Variants in MAP2K6 observed in about 807,000 individuals in gnomAD.
MAP2K6 encodes mitogen-activated protein kinase kinase 6, also known as dual specificity mitogen-activated protein kinase kinase 6.
MAP2K6 carries 16 observed loss-of-function variants against 53.7 expected under a neutral mutation model. The ratio of observed to expected loss-of-function variants is 0.30; its 90% confidence interval spans 0.20 to 0.45. The LOEUF is 0.45. Ranked by LOEUF, MAP2K6 falls within the 20% of genes least tolerant of loss-of-function variation. The pLI is 1.00. For missense variants in MAP2K6, 204 were observed against 411.9 expected, an observed-to-expected ratio of 0.50 and a Z score of 4.37; for synonymous variants, 132 against 143.1, an observed-to-expected ratio of 0.92 and a Z score of 0.55.
At chr17:69,453,111 A>G (rs1046666063) in intron 1 of MAP2K6, among the ~76,000 whole-genome samples, 1 of 152,216 alleles carries the variant, frequency 6.6e-6, no homozygotes, top group South Asian at 2.1e-4. Flanking sequence ...GCAGAGCAGG[A>G]GTTTGGCAGG....
At chr17:69,518,728 G>A (rs147284752) in intron 4 of MAP2K6, among the ~76,000 whole-genome samples, 1 of 152,338 alleles carries the variant, frequency 6.6e-6, no homozygotes, top group Non-Finnish European at 1.5e-5. Flanking sequence ...TGAAGTCCCA[G>A]TGATATTGTA....
intron 1 of MAP2K6, chr17:69,502,749 G>T (rs1909235524): frequency 3.1e-6 from 3 of 963,198 alleles, no homozygotes; most frequent in African/African-American, 1.8e-5. Flanking sequence ...TCTGGGGAGA[G>T]AATCAAAGGC....
At chr17:69,535,887 C>G (rs979217437) in intron 10 of MAP2K6, among the ~76,000 whole-genome samples, 2 of 151,520 alleles carry the variant, frequency 1.3e-5, no homozygotes, top group African/African-American at 4.9e-5. Flanking sequence ...AGTACACACA[C>G]ACACACACAC....
intron 1 of MAP2K6, chr17:69,433,249 G>C (rs1241981168): frequency 6.6e-6 from 1 of 152,244 alleles, no homozygotes; most frequent in Non-Finnish European, 1.5e-5. Context: ...ATGACCGAGA[G>C]AGATTATGTA....
rs769934878 is a variant in MAP2K6, at chr17:69,549,973, A to C, written c.*8220A>C. The C allele has an allele frequency of 1.3e-5, 2 of 152,196 alleles. No individual in the cohort carries two copies. The highest frequency in any genetic ancestry group is 2.9e-5 in the Non-Finnish European group (2 of 68,026). 9.4% of individuals were successfully genotyped at this position (152,196 alleles called of 1,614,324 possible). A position where few individuals can be genotyped will look rare whatever the true frequency, so the allele number is the denominator to read the frequency against. On this transcript the variant is annotated 3_prime_UTR_variant, in exon 12 of 12. Coordinates refer to ENST00000590474, the MANE Select transcript of MAP2K6 (RefSeq NM_002758.4). ...CTTGAAGGAGCAAGCTGATTAAAAA[A>C]AAAAGCTGGCAGACAAGTATATCTT...
intron 10 of MAP2K6, 33 bp downstream of exon 10, chr17:69,526,742 G>C (rs781667489): frequency 4.1e-5 from 65 of 1,600,326 alleles, no homozygotes; most frequent in Non-Finnish European, 5.3e-5. Flanking sequence ...GTGTCAGTGT[G>C]AAAGAAGAAG....
Position 69,517,600 on chromosome 17 carries a change from T to A in MAP2K6, c.233T>A (p.Ile78Asn). The change falls in exon 4 of 12, where the codon ATC (isoleucine) becomes AAC (asparagine). Residue 78 changes from isoleucine (I) to asparagine (N), a missense_variant. Transcript: ENST00000590474. ...ATGCGGCACGTGCCCAGCGGGCAGA[T>A]CATGGCAGTGAAGGTAGAGTTGACA... ...EKMRHVPSGQ[I>N]MAVKRIRATV... 6.2e-7 allele frequency: 1 copy of A among 1,600,180 alleles called. No homozygotes were observed. Among genetic ancestry groups the A allele is most frequent in the Non-Finnish European group, 8.5e-7 (1 of 1,171,892 alleles).
rs1909210799 is a variant in MAP2K6 at position 69,502,323 on chromosome 17, G to T, written c.17-3457G>T. 3.0e-6 allele frequency: 3 copies of T among 985,328 alleles called. No individual in the cohort carries two copies. The South Asian group carries it at 1.4e-4, about 46-fold the overall frequency. The allele number at this position is 985,328 out of a possible 1,614,324, so 61.0% of individuals were successfully genotyped here. A position where few individuals can be genotyped will look rare whatever the true frequency, so the allele number is the denominator to read the frequency against. ...GCTAAGTGAAGAATGACTTCTGTTAGGTTTTCCTCTGCTGGTCTTCCTTGC... is the reference window on the plus strand; with the variant it reads ...GCTAAGTGAAGAATGACTTCTGTTATGTTTTCCTCTGCTGGTCTTCCTTGC... On this transcript the variant is annotated intron_variant, in intron 1 of 11. Coordinates refer to ENST00000590474, the MANE Select transcript of MAP2K6 (RefSeq NM_002758.4).
chr17:69,523,593 G>C lies in MAP2K6; in HGVS notation c.615G>C (p.Val205=), dbSNP rs375580762. ...ATTTTGGAATCAGTGGCTACTTGGT[G>C]GACTCTGTTGCTAAAACAATTGATG... ...MCDFGISGYL[V]DSVAKTIDAG... The change falls in exon 8 of 12, where the codon GTG becomes GTC. Residue 205 remains valine, a synonymous_variant. Transcript: ENST00000590474. 88 of 1,614,066 alleles carry C rather than the reference G, an allele frequency of 5.5e-5. No homozygotes were observed. The highest frequency in any genetic ancestry group is 6.9e-5 in the Non-Finnish European group (82 of 1,179,958).
intron 1 of MAP2K6, among the ~76,000 whole-genome samples, chr17:69,446,264 A>G: frequency 6.6e-6 from 1 of 152,242 alleles, no homozygotes; most frequent in East Asian, 1.9e-4. Flanking sequence ...CCATTAAGCA[A>G]CAGAACTCTA....
At chr17:69,416,877 A>T (rs932098241) in intron 1 of MAP2K6, among the ~76,000 whole-genome samples, 1 of 152,234 alleles carries the variant, frequency 6.6e-6, no homozygotes, top group African/African-American at 2.4e-5. Context: ...AAACTAAATC[A>T]GGCTCCTTTT....
intron 1 of MAP2K6, among the ~76,000 whole-genome samples, chr17:69,425,730 A>C (rs1906254293): frequency 6.6e-6 from 1 of 152,300 alleles, no homozygotes; most frequent in East Asian, 1.9e-4. Context: ...CTGGTTGTTG[A>C]GTGACAAGTT....
At chr17:69,422,325 A>T (rs1221338579) in intron 1 of MAP2K6, among the ~76,000 whole-genome samples, 6 of 151,348 alleles carry the variant, frequency 4.0e-5, no homozygotes, top group Admixed American at 2.0e-4. Context: ...AGAGACAGGG[A>T]TTCATCATGT....
At chr17:69,425,983 T>A (rs1438272793) in intron 1 of MAP2K6, among the ~76,000 whole-genome samples, 1 of 152,022 alleles carries the variant, frequency 6.6e-6, no homozygotes, top group Non-Finnish European at 1.5e-5. Context: ...AAAAAAAAAA[T>A]CACAAACTCT....
At chr17:69,490,514 G>C (rs922994121) in intron 1 of MAP2K6, among the ~76,000 whole-genome samples, 7 of 152,096 alleles carry the variant, frequency 4.6e-5, no homozygotes, top group Non-Finnish European at 7.4e-5. Context: ...AGAAGAGCAT[G>C]GGAAAAGCAA....
At chr17:69,496,012 T>C (rs547019245) in intron 1 of MAP2K6, among the ~76,000 whole-genome samples, 1 of 152,202 alleles carries the variant, frequency 6.6e-6, no homozygotes, top group East Asian at 1.9e-4. Flanking sequence ...TGTGATTTGC[T>C]TTTAGGTTCT....
chr17:69,520,915 A>G, intron 6 of MAP2K6, 134 bp from the exon 7 acceptor site: 2 of 625,902 alleles, frequency 3.2e-6, no homozygotes, highest in African/African-American at 1.9e-5. Context: ...GTATTTTCCT[A>G]GATAGGACCA....
intron 10 of MAP2K6, among the ~76,000 whole-genome samples, chr17:69,531,973 C>T (rs1275709615): frequency 2.0e-5 from 3 of 152,142 alleles, no homozygotes; most frequent in African/African-American, 7.2e-5. Flanking sequence ...ATAAACTCTT[C>T]CTATAGGTTC....
rs111644862 is a variant in MAP2K6, at chr17:69,534,315, G to A, written c.882-1800G>A. On this transcript the variant is annotated intron_variant, in intron 10 of 11. Transcript: ENST00000590474. ...ATTCCCATATCAATCAGACTTTGCCGCCTGTTAATTCCTCTTTCTAATGCG... is the reference window on the plus strand; with the variant it reads ...ATTCCCATATCAATCAGACTTTGCCACCTGTTAATTCCTCTTTCTAATGCG... Among the ~76,000 whole-genome samples the A allele has an allele frequency of 3.4e-3, 510 of 152,236 alleles. 2 individuals are homozygous for A. Among genetic ancestry groups the A allele is most frequent in the African/African-American group, 0.011 (477 of 41,520 alleles).
Sources: gnomAD v4.1 joint callset for allele counts (sites outside exome capture counted in the v4.1 genomes callset) on GRCh38, gnomAD v4.1.1 for gene constraint, MANE v1.5 for transcripts, NCBI Gene and HGNC (gene_info 2026-07-23, HGNC 2026-07-21) for gene names.